Variants in PCDH15 observed in about 807,000 individuals in gnomAD.
PCDH15 encodes protocadherin-15.
A neutral mutation model predicts 178.5 loss-of-function variants in PCDH15; 129 were observed. That is an observed-to-expected ratio of 0.72 (90% CI 0.63 to 0.84). PCDH15 has a LOEUF of 0.84. PCDH15 is among the 40% of genes least tolerant of loss of function. PCDH15 has a pLI of 0.00. For missense variants in PCDH15, 2,230 were observed against 2,099.9 expected (o/e 1.06, Z -1.21); for synonymous variants, 800 against 732.0 (o/e 1.09, Z -1.50).
chr10:54,714,307 C>A (rs149430715), intron 1 of PCDH15, among the ~76,000 whole-genome samples: 17 of 152,020 alleles, frequency 1.1e-4, no homozygotes, highest in African/African-American at 3.4e-4. Context: ...CCTTTTTCAG[C>A]AGTGTAGAGA....
At chr10:54,022,444 T>G (rs955667916) in intron 19 of PCDH15, among the ~76,000 whole-genome samples, 1 of 146,220 alleles carries the variant, frequency 6.8e-6, no homozygotes, top group African/African-American at 2.5e-5. Context: ...ATGTTATATA[T>G]GTATAACCCA....
At chr10:54,709,970 T>C (rs1199576638) in intron 1 of PCDH15, among the ~76,000 whole-genome samples, 1 of 149,972 alleles carries the variant, frequency 6.7e-6, no homozygotes, top group Non-Finnish European at 1.5e-5. Context: ...TTATATGTAA[T>C]ATATGTAATA....
chr10:55,621,900 A>G (rs1837399616), intron 2 of PCDH15, among the ~76,000 whole-genome samples: 1 of 150,196 alleles, frequency 6.7e-6, no homozygotes, highest in African/African-American at 2.4e-5. Flanking sequence ...TTCTGATTTG[A>G]AGAATGTATA....
At chr10:55,528,282 T>G (rs895519777) in intron 2 of PCDH15, among the ~76,000 whole-genome samples, 1 of 151,994 alleles carries the variant, frequency 6.6e-6, no homozygotes, top group African/African-American at 2.4e-5. Context: ...AACGTGCAGG[T>G]TTGTTACATA....
intron 3 of PCDH15, among the ~76,000 whole-genome samples, chr10:54,883,068 C>A (rs927622445): frequency 4.8e-5 from 7 of 146,764 alleles, no homozygotes; most frequent in African/African-American, 1.5e-4. Context: ...ATTTTGTCTT[C>A]CCAAGTTGGA....
At chr10:54,711,190 T>C (rs1349650076) in intron 1 of PCDH15, among the ~76,000 whole-genome samples, 1 of 152,000 alleles carries the variant, frequency 6.6e-6, no homozygotes, top group Non-Finnish European at 1.5e-5. Flanking sequence ...AAGAGTTTCA[T>C]TGAATAGCTG....
intron 3 of PCDH15, among the ~76,000 whole-genome samples, chr10:54,394,996 T>G (rs1951021750): frequency 6.6e-6 from 1 of 152,204 alleles, no homozygotes; most frequent in Admixed American, 6.5e-5. Flanking sequence ...GCTGTTATCC[T>G]GTTCTTTTTT....
At chr10:54,901,810 G>A (rs1487937696) in intron 2 of PCDH15, among the ~76,000 whole-genome samples, 1 of 152,016 alleles carries the variant, frequency 6.6e-6, no homozygotes, top group Non-Finnish European at 1.5e-5. Context: ...TGAAATATTT[G>A]TAGTCATTTA....
At chr10:55,231,598 TAAG>T (rs1841226051) in intron 1 of PCDH15, among the ~76,000 whole-genome samples, 3 of 151,980 alleles carry the variant, frequency 2.0e-5, no homozygotes, top group African/African-American at 7.3e-5. Context: ...AAATTTCCAT[TAAG>T]GATAGGAAAT....
chr10:54,571,409 T>C (rs12769874), intron 2 of PCDH15, among the ~76,000 whole-genome samples: 22,784 of 150,642 alleles, frequency 0.15, 1,755 homozygotes, highest in Non-Finnish European at 0.16. Context: ...TTAAATATAA[T>C]GGGCTTTCTG....
At chr10:54,779,409 T>C (rs1249475962) in intron 1 of PCDH15, among the ~76,000 whole-genome samples, 1 of 24,306 alleles carries the variant, frequency 4.1e-5, no homozygotes, top group Admixed American at 3.6e-4. Context: ...TATATATGTA[T>C]ATATATATAT....
intron 2 of PCDH15, among the ~76,000 whole-genome samples, chr10:55,511,115 C>G (rs151054134): frequency 1.3e-5 from 2 of 151,656 alleles, no homozygotes; most frequent in African/African-American, 4.8e-5. Context: ...TCAACCAGTC[C>G]TCCCAACTCA....
Position 53,806,686 on chromosome 10 carries a change from TCTTA to T in PCDH15, c.5112_5115del (p.Ser1704ArgfsTer33), listed in dbSNP as rs1171611784. 30 of 1,613,760 alleles carry T rather than the reference TCTTA, an allele frequency of 1.9e-5. No homozygotes were observed. Among genetic ancestry groups the T allele is most frequent in the Non-Finnish European group, 2.5e-5 (29 of 1,179,810 alleles). On this transcript the variant is annotated frameshift_variant, in exon 38 of 38. Transcript: ENST00000644397. LOFTEE classifies it high-confidence loss of function. ...TGAAATTCCAAAGCCTCCTTGATGT[TCTTA>T]CTGTCAATCATGGACTCCTGTTCAA... is the stretch of plus-strand genomic sequence containing the variant.
At chr10:54,819,762 G>T (rs1564536954) in intron 3 of PCDH15, among the ~76,000 whole-genome samples, 1 of 151,908 alleles carries the variant, frequency 6.6e-6, no homozygotes, top group Non-Finnish European at 1.5e-5. Flanking sequence ...TTTATGTCTT[G>T]TATGTGCCTT....
intron 2 of PCDH15, among the ~76,000 whole-genome samples, chr10:55,120,242 A>G (rs1456389806): frequency 6.6e-6 from 1 of 152,182 alleles, no homozygotes; most frequent in Admixed American, 6.6e-5. Context: ...GTGGATGATG[A>G]GCTATTTTCT....
chr10:54,174,702 C>CCTTTTTTTTTT (rs2047254843), intron 13 of PCDH15, among the ~76,000 whole-genome samples: 2 of 84,054 alleles, frequency 2.4e-5, no homozygotes, highest in Admixed American at 3.4e-4. Flanking sequence ...TTTTTCTTTT[C>CCTTTTTTTTTT]TTTTTTTTTT....
At chr10:54,738,191 C>T (rs986298876) in intron 1 of PCDH15, among the ~76,000 whole-genome samples, 3 of 152,006 alleles carry the variant, frequency 2.0e-5, no homozygotes, top group Admixed American at 6.6e-5. Flanking sequence ...GGGTTTTACT[C>T]AGAATGAGTC....
At chr10:54,454,284 A>G (rs1316518302) in intron 3 of PCDH15, among the ~76,000 whole-genome samples, 2 of 149,710 alleles carry the variant, frequency 1.3e-5, no homozygotes, top group Non-Finnish European at 3.0e-5. Flanking sequence ...TTTATAGATT[A>G]TAAATGCTTT....
chr10:54,490,188 T>C (rs902065875), intron 3 of PCDH15, among the ~76,000 whole-genome samples: 15 of 152,264 alleles, frequency 9.9e-5, no homozygotes, highest in East Asian at 7.7e-4. Flanking sequence ...TGGTGGCTCA[T>C]GCCTATAATC....
Sources: allele counts gnomAD v4.1 joint callset (sites outside exome capture counted in the v4.1 genomes callset), GRCh38; gene constraint gnomAD v4.1.1; transcripts MANE v1.5; gene names NCBI Gene and HGNC (gene_info 2026-07-23, HGNC 2026-07-21).